Variants in CACNA1A observed in about 807,000 individuals in gnomAD.
CACNA1A encodes voltage-dependent P/Q-type calcium channel subunit alpha-1A.
In CACNA1A, 57 loss-of-function variants were observed where a neutral mutation model predicts 262.4. That is an observed-to-expected ratio of 0.22 (90% CI 0.18 to 0.27). The LOEUF (loss-of-function observed/expected upper bound fraction) is 0.27. Ranked by LOEUF, CACNA1A falls within the 10% of genes least tolerant of loss-of-function variation. The probability of loss-of-function intolerance (pLI) is 1.00; values close to 1 mark genes in which losing one functional copy is unlikely to be tolerated. For synonymous variants in CACNA1A, 1,431 were observed against 1,419.3 expected (o/e 1.01, Z -0.18); for missense variants, 2,526 against 3,562.8 (o/e 0.71, Z 7.41).
chr19:13,224,599 G>T (rs951814196), intron 38 of CACNA1A, 68 bp downstream of exon 38: 1 of 1,022,406 alleles, frequency 9.8e-7, no homozygotes, highest in South Asian at 1.4e-5. Context: ...TCTAGTTTGG[G>T]GTAGGGAGGG....
chr19:13,307,713 A>AT (rs1200580880), intron 15 of CACNA1A, 69 bp downstream of exon 15: 1 of 1,308,634 alleles, frequency 7.6e-7, no homozygotes, highest in African/African-American at 1.5e-5. Flanking sequence ...AGCCCCTTGG[A>AT]TGTGGAGCAG....
intron 28 of CACNA1A, among the ~76,000 whole-genome samples, chr19:13,255,705 T>TTCCCTACCTCCCTCCTTCTC (rs2056532978): frequency 3.1e-5 from 1 of 31,850 alleles, no homozygotes; most frequent in African/African-American, 1.2e-4. Flanking sequence ...CCCTCCTTCC[T>TTCCCTACCTCCCTCCTTCTC]TCCCTCCCTC....
chr19:13,283,567 C>G, intron 21 of CACNA1A, 171 bp from the exon 22 acceptor site: 1 of 772,070 alleles, frequency 1.3e-6, no homozygotes, highest in Admixed American at 2.8e-5. Flanking sequence ...GGTCCTGGAA[C>G]CCCAAGAAGG....
chr19:13,361,124 T>G (rs934225314), intron 5 of CACNA1A, among the ~76,000 whole-genome samples: 3 of 152,150 alleles, frequency 2.0e-5, no homozygotes, highest in African/African-American at 7.2e-5. Context: ...TGGGATGTAC[T>G]GGGCTCAGGG....
chr19:13,323,763 T>G (rs1470178093), intron 10 of CACNA1A, among the ~76,000 whole-genome samples: 1 of 152,214 alleles, frequency 6.6e-6, no homozygotes, highest in Non-Finnish European at 1.5e-5. Flanking sequence ...TGCACAAATT[T>G]TTTAGTTTGA....
At chr19:13,260,352 T>G (rs1350073906) in intron 26 of CACNA1A, 2 of 148,392 alleles carry the variant, frequency 1.3e-5, no homozygotes, top group Non-Finnish European at 3.0e-5. Context: ...TTGTTGTTTG[T>G]TTGTTTGTTT....
At chr19:13,340,234 A>G (rs184601888) in intron 6 of CACNA1A, among the ~76,000 whole-genome samples, 1 of 152,058 alleles carries the variant, frequency 6.6e-6, no homozygotes, top group African/African-American at 2.4e-5. Context: ...ACAAGACCCG[A>G]ATCTGCCCTT....
intron 3 of CACNA1A, among the ~76,000 whole-genome samples, chr19:13,402,093 G>T (rs2059908553): frequency 6.6e-6 from 1 of 152,162 alleles, no homozygotes; most frequent in Non-Finnish European, 1.5e-5. Context: ...TTCCAGCATT[G>T]CTTTGTCTCT....
chr19:13,472,832 T>C (rs1412645992), intron 1 of CACNA1A, among the ~76,000 whole-genome samples: 1 of 152,236 alleles, frequency 6.6e-6, no homozygotes, highest in Admixed American at 6.5e-5. Flanking sequence ...CTTTAGCCTC[T>C]GGAGCCTCTG....
chr19:13,430,527 A>G (rs919738152), intron 3 of CACNA1A, among the ~76,000 whole-genome samples: 8 of 152,134 alleles, frequency 5.3e-5, no homozygotes, highest in Non-Finnish European at 8.8e-5. Context: ...GGTCAGGAGG[A>G]GATAGCACAT....
At chr19:13,433,664 C>A (rs2060560963) in intron 3 of CACNA1A, among the ~76,000 whole-genome samples, 1 of 151,850 alleles carries the variant, frequency 6.6e-6, no homozygotes, top group African/African-American at 2.4e-5. Flanking sequence ...AAAGCCCCAA[C>A]CTCAGAATCT....
intron 22 of CACNA1A, among the ~76,000 whole-genome samples, chr19:13,281,675 T>TG (rs1045875047): frequency 6.7e-6 from 1 of 149,680 alleles, no homozygotes; most frequent in African/African-American, 2.5e-5. Context: ...AAGAAGGCGG[T>TG]GGGGGTGGGG....
chr19:13,421,739 A>G (rs575936550), intron 3 of CACNA1A, among the ~76,000 whole-genome samples: 5 of 152,154 alleles, frequency 3.3e-5, no homozygotes, highest in Non-Finnish European at 7.4e-5. Context: ...CAGTGCCTTG[A>G]TCTTCCCAGC....
intron 7 of CACNA1A, among the ~76,000 whole-genome samples, chr19:13,335,286 C>T (rs562169657): frequency 7.2e-5 from 11 of 152,152 alleles, no homozygotes; most frequent in African/African-American, 1.4e-4. Context: ...ATCCGGAGGG[C>T]GTGAGGCAGC....
chr19:13,269,676 T>C (rs11666813), intron 24 of CACNA1A, among the ~76,000 whole-genome samples: 28,116 of 152,172 alleles, frequency 0.18, 2,925 homozygotes, highest in Middle Eastern at 0.24. Flanking sequence ...TTGGCCGCCC[T>C]GATGCATGGG....
In CACNA1A at chr19:13,214,745, G is replaced by T. The variant is rs971038038; in HGVS notation, c.5732-137C>A. 4.2e-5 allele frequency: 29 copies of T among 687,554 alleles called. No individual in the cohort carries two copies. Among genetic ancestry groups the T allele is most frequent in the Non-Finnish European group, 5.6e-5 (22 of 395,136 alleles). The allele number at this position is 687,554 out of a possible 1,614,324, so 42.6% of individuals were successfully genotyped here. A position where few individuals can be genotyped will look rare whatever the true frequency, so the allele number is the denominator to read the frequency against. On this transcript the variant is annotated intron_variant, in intron 38 of 46. Transcript: ENST00000360228. The surrounding 1 kb of genome is among the most constrained non-coding windows in gnomAD (Gnocchi z 4.1). ...CCATGGGGTCTCCAGTTCCCCAACG[G>T]CCTGGCCCAGAGGAGGCCCTGGGCA... is the stretch of plus-strand genomic sequence containing the variant.
At chr19:13,401,631 C>A (rs2059902061) in intron 3 of CACNA1A, among the ~76,000 whole-genome samples, 1 of 152,176 alleles carries the variant, frequency 6.6e-6, no homozygotes, top group South Asian at 2.1e-4. Flanking sequence ...TTGTTCACCA[C>A]TTCCAGGAAC....
rs2057765534 is a variant in CACNA1A at position 13,300,481 on chromosome 19, A to C, written c.2279+69T>G. On this transcript the variant is annotated intron_variant, in intron 18 of 46. Transcript: ENST00000360228. Reference sequence around the variant, plus strand: ...TCAAGGACCACCCCCACTGCTTCCCAAATCTGTGCCTGGGATAGTGTGGAC... The same window carrying C: ...TCAAGGACCACCCCCACTGCTTCCCCAATCTGTGCCTGGGATAGTGTGGAC... 4.4e-6 allele frequency: 5 copies of C among 1,140,828 alleles called. 1 individual carries two copies. In the Middle Eastern group the frequency reaches 1.0e-3, roughly 235 times the overall value. 70.7% of individuals were successfully genotyped at this position (1,140,828 alleles called of 1,614,324 possible).
intron 1 of CACNA1A, among the ~76,000 whole-genome samples, chr19:13,501,454 G>A (rs768593473): frequency 3.9e-5 from 6 of 152,024 alleles, no homozygotes; most frequent in East Asian, 1.9e-4. Flanking sequence ...GATTATAGGC[G>A]TGAACCACCA....
Sources: allele counts gnomAD v4.1 joint callset (sites outside exome capture counted in the v4.1 genomes callset), GRCh38; gene constraint gnomAD v4.1.1; non-coding constraint Gnocchi (gnomAD v3.1); transcripts MANE v1.5; gene names NCBI Gene and HGNC (gene_info 2026-07-23, HGNC 2026-07-21).